The following UQCC1 variants were observed in gnomAD, a reference collection of about 807,000 sequenced individuals.
The protein encoded by UQCC1 is bFGF-repressed Zic-binding protein.
In UQCC1, 38 loss-of-function variants were observed where a neutral mutation model predicts 48.0. That is an observed-to-expected ratio of 0.79 (90% CI 0.61 to 1.04). The LOEUF is 1.04. UQCC1 is among the 50% of genes least tolerant of loss of function. The pLI is 0.00. For missense variants in UQCC1, 368 were observed against 381.8 expected (o/e 0.96, Z 0.30); for synonymous variants, 111 against 129.2 (o/e 0.86, Z 0.95).
At chr20:35,326,724 G>A (rs994015430) in intron 7 of UQCC1, among the ~76,000 whole-genome samples, 2 of 152,178 alleles carry the variant, frequency 1.3e-5, no homozygotes, top group African/African-American at 4.8e-5. Flanking sequence ...ATTGCACCCT[G>A]AGCCTCATGA....
At chr20:35,404,040 AT>A (rs1243531678) in intron 1 of UQCC1, among the ~76,000 whole-genome samples, 1 of 151,746 alleles carries the variant, frequency 6.6e-6, no homozygotes, top group African/African-American at 2.4e-5. Context: ...GATCGAGACC[AT>A]CCTGGCTAAC....
At chr20:35,410,903 T>C (rs1261445196) in intron 1 of UQCC1, among the ~76,000 whole-genome samples, 1 of 151,592 alleles carries the variant, frequency 6.6e-6, no homozygotes, top group Non-Finnish European at 1.5e-5. Context: ...GGGGCTACTC[T>C]ACAAATAAAT....
chr20:35,354,101 G>A (rs2061519866), intron 6 of UQCC1, among the ~76,000 whole-genome samples: 1 of 151,880 alleles, frequency 6.6e-6, no homozygotes, highest in Admixed American at 6.6e-5. Flanking sequence ...TATATAACAG[G>A]CTATACCACC....
intron 6 of UQCC1, among the ~76,000 whole-genome samples, chr20:35,354,787 T>G (rs1016592323): frequency 6.6e-6 from 1 of 152,222 alleles, no homozygotes; most frequent in East Asian, 1.9e-4. Context: ...ATTGTAACTC[T>G]TCATTTAACA....
At chr20:35,340,922 T>C (rs1047270330) in intron 7 of UQCC1, among the ~76,000 whole-genome samples, 2 of 152,060 alleles carry the variant, frequency 1.3e-5, no homozygotes, top group Non-Finnish European at 2.9e-5. Context: ...ATGCCTTTGT[T>C]AGTTTAGAAA....
At position 35,407,749 on chromosome 20, in the gene UQCC1, G is replaced by A. The variant is rs144926539; in HGVS notation, c.24+4191C>T. ...AAAAATACAAAATTTAAGGCTGGGCGTGGTGGCTCACGCCTGTAATCCCAG... is the reference window on the plus strand; with the variant it reads ...AAAAATACAAAATTTAAGGCTGGGCATGGTGGCTCACGCCTGTAATCCCAG... On this transcript the variant is annotated intron_variant, in intron 1 of 9. Transcript: ENST00000374385. Among the ~76,000 whole-genome samples, 39 of 152,298 alleles carry A rather than the reference G, an allele frequency of 2.6e-4. No individual in the cohort carries two copies. In the East Asian group the frequency reaches 5.6e-3, roughly 22 times the overall value.
rs2061780123 is a variant in UQCC1, at chr20:35,374,996, G to A, written c.334-740C>T. On this transcript the variant is annotated intron_variant, in intron 4 of 9. Coordinates refer to ENST00000374385, the MANE Select transcript of UQCC1 (RefSeq NM_018244.5). ...TAAATTATTTAAGAGTTGACTTATGGGTCTGAAGACCAACTCAGCACTCTA... is the reference window on the plus strand; with the variant it reads ...TAAATTATTTAAGAGTTGACTTATGAGTCTGAAGACCAACTCAGCACTCTA... Among the ~76,000 whole-genome samples, 6 of 151,732 alleles carry A rather than the reference G, an allele frequency of 4.0e-5. No homozygotes were observed. The South Asian group carries it at 1.3e-3, about 32-fold the overall frequency.
intron 1 of UQCC1, among the ~76,000 whole-genome samples, chr20:35,404,003 C>T (rs1164834309): frequency 2.6e-5 from 4 of 151,924 alleles, no homozygotes; most frequent in African/African-American, 2.4e-5. Context: ...TTTGGGAGGC[C>T]GAGGAGGGCG....
intron 1 of UQCC1, among the ~76,000 whole-genome samples, chr20:35,409,726 A>G (rs1191254081): frequency 1.3e-5 from 2 of 152,192 alleles, no homozygotes; most frequent in Non-Finnish European, 2.9e-5. Context: ...TCCCAAAACC[A>G]TCACTGGAGA....
intron 6 of UQCC1, among the ~76,000 whole-genome samples, chr20:35,349,032 C>T (rs927185611): frequency 1.3e-5 from 2 of 152,140 alleles, no homozygotes; most frequent in African/African-American, 2.4e-5. Context: ...AAGACAATTC[C>T]TGTTATAATT....
chr20:35,347,475 A>G (rs1488421903), intron 6 of UQCC1, among the ~76,000 whole-genome samples: 1 of 152,082 alleles, frequency 6.6e-6, no homozygotes, highest in Non-Finnish European at 1.5e-5. Flanking sequence ...TGCCTGATAA[A>G]TTTTTATGTA....
Position 35,319,940 on chromosome 20 carries a change from T to G in UQCC1, c.574-5175A>C, listed in dbSNP as rs538687516. On this transcript the variant is annotated intron_variant, in intron 7 of 9. Coordinates refer to ENST00000374385, the MANE Select transcript of UQCC1 (RefSeq NM_018244.5). ...CAGGGACTGATGGGAGATCAAGTTT[T>G]AACTCCTCCATGGACTCTACAAGGC... Among the ~76,000 whole-genome samples the G allele has an allele frequency of 1.8e-3, 272 of 152,338 alleles. 1 individual carries two copies. Among genetic ancestry groups the G allele is most frequent in the Non-Finnish European group, 2.6e-3 (177 of 68,030 alleles).
chr20:35,352,532 T>A (rs983736918), intron 6 of UQCC1, among the ~76,000 whole-genome samples: 1 of 152,208 alleles, frequency 6.6e-6, no homozygotes, highest in Non-Finnish European at 1.5e-5. Context: ...AATATAGTCA[T>A]GTACCACATA....
intron 4 of UQCC1, 36 bp downstream of exon 4, chr20:35,381,882 C>T (rs2061873981): frequency 1.5e-6 from 2 of 1,298,626 alleles, no homozygotes; most frequent in Non-Finnish European, 2.2e-6. Context: ...GCACAATGCC[C>T]AAAAGGAAAA....
At chr20:35,405,596 A>G (rs2062239554) in intron 1 of UQCC1, among the ~76,000 whole-genome samples, 1 of 152,250 alleles carries the variant, frequency 6.6e-6, no homozygotes, top group Admixed American at 6.5e-5. Flanking sequence ...CTAAAGAACT[A>G]TAAGAAAGTG....
chr20:35,355,135 G>A (rs2061532535), intron 6 of UQCC1, among the ~76,000 whole-genome samples: 1 of 152,090 alleles, frequency 6.6e-6, no homozygotes, highest in African/African-American at 2.4e-5. Flanking sequence ...GACAGAACAT[G>A]CAAACTCCAC....
At chr20:35,342,269 T>TG (rs2061389032) in intron 7 of UQCC1, among the ~76,000 whole-genome samples, 1 of 152,244 alleles carries the variant, frequency 6.6e-6, no homozygotes, top group African/African-American at 2.4e-5. Flanking sequence ...AGCTTGAGCC[T>TG]GCTCATTGTG....
At chr20:35,341,609 A>G (rs2061379657) in intron 7 of UQCC1, among the ~76,000 whole-genome samples, 1 of 152,226 alleles carries the variant, frequency 6.6e-6, no homozygotes, top group Non-Finnish European at 1.5e-5. Flanking sequence ...AAGACAGTCA[A>G]CATAAGTGAA....
chr20:35,376,836 G>A (rs891798410), intron 4 of UQCC1, among the ~76,000 whole-genome samples: 1 of 151,872 alleles, frequency 6.6e-6, no homozygotes, highest in Non-Finnish European at 1.5e-5. Flanking sequence ...GGTGGTACGC[G>A]CCTGTAGTCC....
Sources: allele counts gnomAD v4.1 joint callset (sites outside exome capture counted in the v4.1 genomes callset), GRCh38; gene constraint gnomAD v4.1.1; transcripts MANE v1.5; gene names NCBI Gene and HGNC (gene_info 2026-07-23, HGNC 2026-07-21).